Variants in MNAT1 observed in about 807,000 individuals in gnomAD.
MNAT1 encodes the protein CDK-activating kinase assembly factor MAT1.
Under a neutral mutation model 42.0 loss-of-function variants are expected in MNAT1, and 43 were observed. The ratio of observed to expected loss-of-function variants is 1.02; its 90% CI spans 0.80 to 1.32. The LOEUF (loss-of-function observed/expected upper bound fraction) is 1.32. MNAT1 is among the 40% of genes most tolerant of loss of function. The probability of loss-of-function intolerance (pLI) is 0.00; values close to 1 mark genes in which losing one functional copy is unlikely to be tolerated. For synonymous variants in MNAT1, 118 were observed against 120.0 expected (o/e 0.98, Z 0.11); for missense variants, 306 against 350.4 (o/e 0.87, Z 1.01).
At position 60,847,927 on chromosome 14, in the gene MNAT1, GT is replaced by G. The variant is rs373537850; in HGVS notation, c.687+29089del. 5.2e-3 allele frequency among the ~76,000 whole-genome samples: 783 copies of G among 151,300 alleles called. 14 individuals are homozygous for G. Among genetic ancestry groups the G allele is most frequent in the African/African-American group, 0.018 (731 of 41,292 alleles). On this transcript the variant is annotated intron_variant, in intron 6 of 7. Transcript: ENST00000261245. Reference sequence around the variant, plus strand: ...TAAGATTAACCATACAGTTTTACAGGTTTTTTTTTGTAGCTGTTTTGTAAAT... The same window carrying G: ...TAAGATTAACCATACAGTTTTACAGGTTTTTTTTGTAGCTGTTTTGTAAAT...
chr14:60,766,529 T>C (rs2030829698), intron 1 of MNAT1, among the ~76,000 whole-genome samples: 1 of 151,876 alleles, frequency 6.6e-6, no homozygotes, highest in African/African-American at 2.4e-5. Flanking sequence ...CTGGCCAACA[T>C]GGTGAAACTC....
chr14:60,953,774 C>T (rs2036428256), intron 7 of MNAT1, among the ~76,000 whole-genome samples: 1 of 152,114 alleles, frequency 6.6e-6, no homozygotes, highest in Admixed American at 6.5e-5. Context: ...GTTCTCCACA[C>T]CCTTGCGAAC....
chr14:60,957,021 T>A (rs1421083378), intron 7 of MNAT1, among the ~76,000 whole-genome samples: 1 of 152,230 alleles, frequency 6.6e-6, no homozygotes, highest in Non-Finnish European at 1.5e-5. Flanking sequence ...TTACTTTTGC[T>A]ATTTTGTTAA....
intron 7 of MNAT1, among the ~76,000 whole-genome samples, chr14:60,947,501 G>A (rs1254833494): frequency 1.3e-5 from 2 of 152,086 alleles, no homozygotes; most frequent in Admixed American, 1.3e-4. Flanking sequence ...TGGCCAACAT[G>A]GTGAAACCCC....
At chr14:60,754,980 C>T (rs1250663958) in intron 1 of MNAT1, among the ~76,000 whole-genome samples, 1 of 151,988 alleles carries the variant, frequency 6.6e-6, no homozygotes, top group Non-Finnish European at 1.5e-5. Flanking sequence ...GGAGTTGAAT[C>T]TTATGTGGAA....
intron 1 of MNAT1, among the ~76,000 whole-genome samples, chr14:60,791,735 C>T (rs967286053): frequency 1.3e-5 from 2 of 152,028 alleles, no homozygotes; most frequent in African/African-American, 4.8e-5. Flanking sequence ...TTGTATACCC[C>T]TTCTATCAAA....
chr14:60,955,852 A>T (rs184258730), intron 7 of MNAT1, among the ~76,000 whole-genome samples: 169 of 151,970 alleles, frequency 1.1e-3, no homozygotes, highest in Admixed American at 2.6e-3. Flanking sequence ...CCTCAATTGT[A>T]ATATCTCCTC....
At chr14:60,743,436 G>A (rs1428759151) in intron 1 of MNAT1, among the ~76,000 whole-genome samples, 1 of 152,042 alleles carries the variant, frequency 6.6e-6, no homozygotes, top group Admixed American at 6.6e-5. Flanking sequence ...TTACAGGTGT[G>A]TGCCACCATG....
intron 1 of MNAT1, among the ~76,000 whole-genome samples, chr14:60,756,839 G>GT (rs1164102394): frequency 3.9e-5 from 6 of 152,136 alleles, no homozygotes; most frequent in Non-Finnish European, 7.4e-5. Flanking sequence ...ATGCCCTTGC[G>GT]TTTTTTTGGG....
chr14:60,914,563 A>AT (rs2035470618), intron 7 of MNAT1, among the ~76,000 whole-genome samples: 1 of 151,514 alleles, frequency 6.6e-6, no homozygotes, highest in Admixed American at 6.6e-5. Flanking sequence ...TGGTAAAAAA[A>AT]AAAATCTGTT....
chr14:60,784,213 G>A (rs1173809916), intron 1 of MNAT1, among the ~76,000 whole-genome samples: 3 of 88,746 alleles, frequency 3.4e-5, no homozygotes, highest in East Asian at 7.1e-4. Flanking sequence ...TAGTAGAGGC[G>A]AGGTTTTGCC....
At chr14:60,802,228 A>G (rs1238673442) in intron 3 of MNAT1, among the ~76,000 whole-genome samples, 5 of 152,180 alleles carry the variant, frequency 3.3e-5, no homozygotes, top group East Asian at 1.9e-4. Context: ...TGAAATTTCA[A>G]TTAGACAGGA....
Position 60,861,155 on chromosome 14 carries a change from A to T in MNAT1, c.688-18559A>T, listed in dbSNP as rs549393675. Reference sequence around the variant, plus strand: ...TGAATATAGTTGGTTAGTAATTTCCATGCTAATTTATATCTATTTGAAGAT... The same window carrying T: ...TGAATATAGTTGGTTAGTAATTTCCTTGCTAATTTATATCTATTTGAAGAT... On this transcript the variant is annotated intron_variant, in intron 6 of 7. Transcript: ENST00000261245. Among the ~76,000 whole-genome samples the T allele has an allele frequency of 2.0e-5, 3 of 152,292 alleles. No homozygotes were observed. The East Asian group carries it at 5.8e-4, about 29-fold the overall frequency.
chr14:60,944,414 C>G (rs1217926762), intron 7 of MNAT1, among the ~76,000 whole-genome samples: 5 of 152,242 alleles, frequency 3.3e-5, no homozygotes, highest in Non-Finnish European at 2.9e-5. Context: ...TGCTGTCTCT[C>G]TGCCACGTGA....
chr14:60,929,213 A>G (rs1336250877), intron 7 of MNAT1, among the ~76,000 whole-genome samples: 2 of 142,298 alleles, frequency 1.4e-5, no homozygotes, highest in African/African-American at 2.6e-5. Context: ...ATATTTTGTA[A>G]ATATGTTTTC....
intron 6 of MNAT1, among the ~76,000 whole-genome samples, chr14:60,844,758 A>G (rs1477301165): frequency 6.6e-6 from 1 of 152,068 alleles, no homozygotes; most frequent in African/African-American, 2.4e-5. Flanking sequence ...TACTAGCTGT[A>G]GAATTTTCAT....
At chr14:60,789,110 C>T (rs2031740001) in intron 1 of MNAT1, among the ~76,000 whole-genome samples, 1 of 151,970 alleles carries the variant, frequency 6.6e-6, no homozygotes, top group South Asian at 2.1e-4. Flanking sequence ...GTTTTTTTCA[C>T]CTGAACACCT....
intron 1 of MNAT1, among the ~76,000 whole-genome samples, chr14:60,735,391 T>TA (rs1393413399): frequency 6.6e-6 from 1 of 152,208 alleles, no homozygotes; most frequent in Non-Finnish European, 1.5e-5. Context: ...ATGAGTTAAT[T>TA]AAAAAACCCT....
At chr14:60,802,765 G>A (rs923225521) in intron 3 of MNAT1, among the ~76,000 whole-genome samples, 2 of 151,918 alleles carry the variant, frequency 1.3e-5, no homozygotes, top group African/African-American at 4.8e-5. Context: ...AGGTAAACCC[G>A]GGAGAATAGG....
Sources: gnomAD v4.1 joint callset for allele counts (sites outside exome capture counted in the v4.1 genomes callset) on GRCh38, gnomAD v4.1.1 for gene constraint, MANE v1.5 for transcripts, NCBI Gene and HGNC (gene_info 2026-07-23, HGNC 2026-07-21) for gene names.